The following SLC35F4 variants were observed in gnomAD, a reference collection of about 807,000 sequenced individuals.
SLC35F4 encodes solute carrier family 35 member F4.
Under a neutral mutation model 44.2 loss-of-function variants are expected in SLC35F4, and 24 were observed. That is an observed-to-expected ratio of 0.54 (90% CI 0.39 to 0.76). The LOEUF (loss-of-function observed/expected upper bound fraction) is 0.76, where lower values mean the gene tolerates loss of function less well. Among genes scored for constraint, SLC35F4 ranks in the 30% least tolerant of loss-of-function variants. The pLI, the probability that SLC35F4 is intolerant of heterozygous loss-of-function variation, is 0.00. For missense variants in SLC35F4, 562 were observed against 586.1 expected (o/e 0.96, Z 0.42); for synonymous variants, 238 against 223.6 (o/e 1.06, Z -0.57).
At chr14:57,693,949 T>C (rs1423847260) in intron 1 of SLC35F4, among the ~76,000 whole-genome samples, 1 of 152,194 alleles carries the variant, frequency 6.6e-6, no homozygotes, top group Non-Finnish European at 1.5e-5. Context: ...TTGAACCTAG[T>C]GTCAAACTTC....
Position 57,898,847 on chromosome 14 carries a change from T to C in SLC35F4, n.282+83066A>G, listed in dbSNP as rs146134411. Among the ~76,000 whole-genome samples the C allele has an allele frequency of 1.3e-3, 193 of 152,360 alleles. 1 individual carries two copies. Among genetic ancestry groups the C allele is most frequent in the African/African-American group, 4.5e-3 (187 of 41,592 alleles). ...TCTTAATAGGTTTTCTAGGAATATCTTTCGATATTTATGTAAATCAGAATT... is the reference window on the plus strand; with the variant it reads ...TCTTAATAGGTTTTCTAGGAATATCCTTCGATATTTATGTAAATCAGAATT... On this transcript the variant is annotated intron_variant and non_coding_transcript_variant, in intron 1 of 1. Coordinates refer to the SLC35F4 transcript ENST00000556568.
At chr14:57,837,765 C>T (rs1885082309) in intron 1 of SLC35F4, 1 of 152,188 alleles carries the variant, frequency 6.6e-6, no homozygotes, top group African/African-American at 2.4e-5. Flanking sequence ...CTAGAGCGTC[C>T]TTCCTCATAA....
chr14:57,771,280 TC>T (rs1384662844), intron 1 of SLC35F4, among the ~76,000 whole-genome samples: 1 of 152,176 alleles, frequency 6.6e-6, no homozygotes, highest in Non-Finnish European at 1.5e-5. Context: ...ACATCATAGT[TC>T]CGTTTAATAT....
intron 1 of SLC35F4, among the ~76,000 whole-genome samples, chr14:57,675,043 A>G (rs547050618): frequency 6.6e-6 from 1 of 152,218 alleles, no homozygotes; most frequent in East Asian, 1.9e-4. Flanking sequence ...GTATCCCAAC[A>G]CTGTATAATT....
At chr14:57,588,506 G>A (rs952740196) in intron 3 of SLC35F4, among the ~76,000 whole-genome samples, 1 of 152,176 alleles carries the variant, frequency 6.6e-6, no homozygotes, top group Non-Finnish European at 1.5e-5. Flanking sequence ...AGGGCTGTGT[G>A]ACATCAGCCC....
intron 1 of SLC35F4, among the ~76,000 whole-genome samples, chr14:57,647,166 C>T (rs1422933358): frequency 1.3e-5 from 2 of 151,078 alleles, no homozygotes; most frequent in African/African-American, 4.9e-5. Flanking sequence ...AGTTCAATTC[C>T]TGGATATCCT....
chr14:57,767,788 GA>G (rs1473377419), intron 1 of SLC35F4, among the ~76,000 whole-genome samples: 6 of 151,610 alleles, frequency 4.0e-5, no homozygotes, highest in Non-Finnish European at 4.4e-5. Context: ...CAAAAACAGA[GA>G]AAAGATACAA....
upstream of SLC35F4, among the ~76,000 whole-genome samples, chr14:57,866,444 C>A (rs1253399147): frequency 6.6e-6 from 1 of 152,158 alleles, no homozygotes; most frequent in Non-Finnish European, 1.5e-5. Flanking sequence ...AGCATTCCCC[C>A]GCGTTAGTCA....
At chr14:57,621,205 G>A (rs896747318) in intron 1 of SLC35F4, among the ~76,000 whole-genome samples, 9 of 150,644 alleles carry the variant, frequency 6.0e-5, no homozygotes, top group Admixed American at 2.7e-4. Context: ...ATGCTCATGG[G>A]TAGGAAGAAT....
chr14:57,655,195 T>G (rs1357311040), intron 1 of SLC35F4, among the ~76,000 whole-genome samples: 3 of 152,122 alleles, frequency 2.0e-5, no homozygotes, highest in Non-Finnish European at 4.4e-5. Flanking sequence ...TACTCAGTCC[T>G]TCCTTTTTTT....
At chr14:57,740,219 A>T (rs1385722246) in intron 1 of SLC35F4, among the ~76,000 whole-genome samples, 1 of 152,158 alleles carries the variant, frequency 6.6e-6, no homozygotes, top group Non-Finnish European at 1.5e-5. Flanking sequence ...TGAAAGAATG[A>T]TATAAAAAAA....
intron 1 of SLC35F4, among the ~76,000 whole-genome samples, chr14:57,948,949 C>T (rs963683166): frequency 6.6e-5 from 10 of 151,972 alleles, no homozygotes; most frequent in Non-Finnish European, 5.9e-5. Context: ...TGTTTTGTGG[C>T]CTATCATATG....
intron 1 of SLC35F4, among the ~76,000 whole-genome samples, chr14:57,743,472 TAGA>T: frequency 6.6e-6 from 1 of 152,244 alleles, no homozygotes; most frequent in South Asian, 2.1e-4. Context: ...CTAAAAAATC[TAGA>T]AGAAATGGAT....
At chr14:57,730,830 A>G (rs1285822527) in intron 1 of SLC35F4, among the ~76,000 whole-genome samples, 1 of 152,148 alleles carries the variant, frequency 6.6e-6, no homozygotes, top group African/African-American at 2.4e-5. Flanking sequence ...AGCTGCAACT[A>G]TGGGTTCAGC....
chr14:57,888,919 A>G (rs1451038514), intron 1 of SLC35F4, among the ~76,000 whole-genome samples: 1 of 152,232 alleles, frequency 6.6e-6, no homozygotes. Flanking sequence ...GAGAATGTGT[A>G]TGCTTTTCCA....
intron 1 of SLC35F4, among the ~76,000 whole-genome samples, chr14:57,795,772 A>G (rs142867501): frequency 1.2e-3 from 178 of 152,326 alleles, no homozygotes; most frequent in African/African-American, 4.1e-3. Context: ...TTAAAAATTA[A>G]TAATAGACAT....
chr14:57,565,866 A>G (rs1181926019), intron 7 of SLC35F4, among the ~76,000 whole-genome samples: 2 of 152,234 alleles, frequency 1.3e-5, no homozygotes, highest in Admixed American at 6.5e-5. Context: ...TGGCTACTCA[A>G]GACTTGAAAT....
chr14:57,714,026 A>T (rs748471075), intron 1 of SLC35F4, among the ~76,000 whole-genome samples: 3 of 152,172 alleles, frequency 2.0e-5, no homozygotes, highest in Non-Finnish European at 4.4e-5. Context: ...GAAAGCAAAA[A>T]ATACTTAAAA....
intron 1 of SLC35F4, among the ~76,000 whole-genome samples, chr14:57,659,385 C>CA (rs2074066954): frequency 1.3e-5 from 2 of 152,246 alleles, no homozygotes; most frequent in Admixed American, 1.3e-4. Flanking sequence ...TCTCAGCAGT[C>CA]AGAGTTTTTA....
Sources: gnomAD v4.1 joint callset for allele counts (sites outside exome capture counted in the v4.1 genomes callset) on GRCh38, gnomAD v4.1.1 for gene constraint, MANE v1.5 for transcripts, NCBI Gene and HGNC (gene_info 2026-07-23, HGNC 2026-07-21) for gene names.